Variants in BCAR3 observed in about 807,000 individuals in gnomAD.
BCAR3 encodes breast cancer anti-estrogen resistance protein 3.
Under a neutral mutation model 80.1 loss-of-function variants are expected in BCAR3, and 37 were observed. That is an observed-to-expected ratio of 0.46 (90% CI 0.36 to 0.61). The LOEUF is 0.61. BCAR3 is among the 20% of genes least tolerant of loss of function. The probability of loss-of-function intolerance (pLI) is 0.00; values close to 1 mark genes in which losing one functional copy is unlikely to be tolerated. For missense variants in BCAR3, 978 were observed against 1,068.2 expected, an observed-to-expected ratio of 0.92 and a Z score of 1.18; for synonymous variants, 389 against 418.9, an observed-to-expected ratio of 0.93 and a Z score of 0.87.
chr1:93,579,509 AGAGT>A lies in BCAR3; in HGVS notation c.1686+2788_1686+2791del, dbSNP rs563658837. ...CCAGGGGTGCCTGCAGGCAGACATG[AGAGT>A]GAGGCCCCACTAGGAGGACAAAATG... On this transcript the variant is annotated intron_variant, in intron 7 of 11. Transcript: ENST00000260502. 2.1e-3 allele frequency among the ~76,000 whole-genome samples: 322 copies of A among 152,260 alleles called. 1 individual carries two copies. Among genetic ancestry groups the A allele is most frequent in the Middle Eastern group, 3.4e-3 (1 of 294 alleles).
At chr1:93,608,825 A>G (rs1208493269) in intron 3 of BCAR3, among the ~76,000 whole-genome samples, 1 of 152,212 alleles carries the variant, frequency 6.6e-6, no homozygotes, top group Non-Finnish European at 1.5e-5. Context: ...GGCTGGAGAG[A>G]TAAGTGAGCA....
At chr1:93,763,628 GT>G (rs1652035733) in intron 2 of BCAR3, among the ~76,000 whole-genome samples, 1 of 152,130 alleles carries the variant, frequency 6.6e-6, no homozygotes, top group Admixed American at 6.5e-5. Context: ...CTTCTCAGTT[GT>G]TCTCCAGTCT....
intron 2 of BCAR3, among the ~76,000 whole-genome samples, chr1:93,782,386 C>G (rs867564037): frequency 1.3e-5 from 2 of 152,144 alleles, no homozygotes; most frequent in Non-Finnish European, 2.9e-5. Context: ...CATCCAAGTA[C>G]TTTAGAAAAC....
intron 2 of BCAR3, among the ~76,000 whole-genome samples, chr1:93,736,154 A>G (rs2100690161): frequency 6.6e-6 from 1 of 152,348 alleles, no homozygotes; most frequent in Middle Eastern, 3.4e-3. Flanking sequence ...TTGAACATTC[A>G]ATTGTATGAA....
At position 93,643,167 on chromosome 1, in the gene BCAR3, C is replaced by T. The variant is rs368248262; in HGVS notation, c.318-824G>A. Among the ~76,000 whole-genome samples, 165 of 149,790 alleles carry T rather than the reference C, an allele frequency of 1.1e-3. 7 individuals are homozygous for T. In the South Asian group the frequency reaches 0.032, roughly 29 times the overall value. ...GCTTGAACCCAGGAGGCAGAGGTTGCGGCGAGCCAAGATCACACCATTGCA... is the reference window on the plus strand; with the variant it reads ...GCTTGAACCCAGGAGGCAGAGGTTGTGGCGAGCCAAGATCACACCATTGCA... On this transcript the variant is annotated intron_variant, in intron 2 of 11. Transcript: ENST00000260502.
chr1:93,576,272 A>G (rs1570919200), intron 7 of BCAR3, 143 bp from the exon 8 acceptor site: 5 of 661,802 alleles, frequency 7.6e-6, no homozygotes, highest in Non-Finnish European at 1.1e-5. Context: ...GCTGCTGACA[A>G]TGCTGTTCTT....
chr1:93,673,681 A>C (rs1233946778), intron 2 of BCAR3, among the ~76,000 whole-genome samples: 3 of 152,260 alleles, frequency 2.0e-5, no homozygotes, highest in African/African-American at 4.8e-5. Flanking sequence ...CCAGAGAAAA[A>C]GCATTTACAA....
At chr1:93,657,607 A>G (rs902325001) in intron 2 of BCAR3, among the ~76,000 whole-genome samples, 10 of 152,170 alleles carry the variant, frequency 6.6e-5, no homozygotes, top group Non-Finnish European at 1.5e-4. Context: ...ATACAGTTTA[A>G]CATGAGAAAA....
chr1:93,614,090 G>C lies in BCAR3; in HGVS notation c.358-21697C>G, dbSNP rs1675033001. Reference sequence around the variant, plus strand: ...GGAGTGAGTCGGCTCCTTCTCCCAGGCTAGTCTGGGACTTTTCCCCTCTGC... The same window carrying C: ...GGAGTGAGTCGGCTCCTTCTCCCAGCCTAGTCTGGGACTTTTCCCCTCTGC... On this transcript the variant is annotated intron_variant, in intron 3 of 11. Transcript: ENST00000260502. The C allele has an allele frequency of 1.2e-5, 17 of 1,423,682 alleles. No homozygotes were observed. In the South Asian group the frequency reaches 2.7e-4, roughly 22 times the overall value. 88.2% of individuals were successfully genotyped at this position (1,423,682 alleles called of 1,614,324 possible). A position where few individuals can be genotyped will look rare whatever the true frequency, so the allele number is the denominator to read the frequency against.
Position 93,567,901 on chromosome 1 carries a change from T to C in BCAR3, c.1975-50A>G. The stretch of plus-strand genomic sequence containing the variant: ...AAAGGTTCTTTTTAAAATTACCTTT[T>C]AGTGGCTGGGCGTGGTAGCTCACGC... On this transcript the variant is annotated intron_variant, in intron 9 of 11. Coordinates refer to ENST00000260502, the MANE Select transcript of BCAR3 (RefSeq NM_003567.4). The C allele has an allele frequency of 3.3e-6, 5 of 1,512,706 alleles. No homozygotes were observed. The South Asian group carries it at 3.4e-5, about 10-fold the overall frequency. 93.7% of individuals were successfully genotyped at this position (1,512,706 alleles called of 1,614,324 possible).
intron 2 of BCAR3, among the ~76,000 whole-genome samples, chr1:93,824,915 C>G (rs11165011): frequency 0.12 from 15,682 of 132,320 alleles, 3,432 homozygotes; most frequent in African/African-American, 0.27. Context: ...ACGGAATATC[C>G]AAGCCATCCC....
At chr1:93,581,698 T>C (rs1298031362) in intron 7 of BCAR3, among the ~76,000 whole-genome samples, 1 of 152,262 alleles carries the variant, frequency 6.6e-6, no homozygotes, top group Non-Finnish European at 1.5e-5. Context: ...TGAGCCAACA[T>C]GCTCCGCCAT....
At chr1:93,566,251 T>C (rs1672946375) in intron 11 of BCAR3, among the ~76,000 whole-genome samples, 1 of 152,124 alleles carries the variant, frequency 6.6e-6, no homozygotes, top group African/African-American at 2.4e-5. Flanking sequence ...GGTTGTGCCA[T>C]CTGAGTGGAA....
In BCAR3 at chr1:93,810,192, C is replaced by CAAAAAAAAAAA. The variant is rs111305058; in HGVS notation, c.-63+35364_-63+35374dup. ...TGGGTGACAGAGCAAGACTCCATCT[C>CAAAAAAAAAAA]AAAAAAAAAAAAAAAAGAAATTGCT... On this transcript the variant is annotated intron_variant, in intron 2 of 13. Transcript: ENST00000370244. 2.1e-3 allele frequency among the ~76,000 whole-genome samples: 210 copies of CAAAAAAAAAAA among 98,798 alleles called. 4 individuals carry two copies. The highest frequency in any genetic ancestry group is 4.2e-3 in the African/African-American group (122 of 28,942). 64.8% of individuals were successfully genotyped at this position (98,798 alleles called of 152,430 possible).
chr1:93,606,005 T>C (rs1674762535), intron 3 of BCAR3, among the ~76,000 whole-genome samples: 1 of 152,226 alleles, frequency 6.6e-6, no homozygotes, highest in South Asian at 2.1e-4. Context: ...CTTAGAACTC[T>C]GCTCTGGGAC....
chr1:93,577,556 G>T (rs748476142), intron 7 of BCAR3, among the ~76,000 whole-genome samples: 2 of 152,108 alleles, frequency 1.3e-5, no homozygotes, highest in Non-Finnish European at 2.9e-5. Context: ...CTTTGCAAAG[G>T]ATTCAGATAA....
At chr1:93,762,339 C>T (rs1029558533) in intron 2 of BCAR3, among the ~76,000 whole-genome samples, 1 of 152,230 alleles carries the variant, frequency 6.6e-6, no homozygotes, top group African/African-American at 2.4e-5. Context: ...CTGTCCCCAG[C>T]TCTGCTCTGT....
At chr1:93,790,155 T>C (rs1653090752) in intron 2 of BCAR3, among the ~76,000 whole-genome samples, 1 of 152,286 alleles carries the variant, frequency 6.6e-6, no homozygotes, top group African/African-American at 2.4e-5. Context: ...GCAGCATTTA[T>C]AACATTTGTA....
intron 2 of BCAR3, among the ~76,000 whole-genome samples, chr1:93,769,354 A>AGTGTGT (rs1652269826): frequency 1.2e-5 from 1 of 82,558 alleles, no homozygotes; most frequent in African/African-American, 4.9e-5. Context: ...TGTGGGTAGG[A>AGTGTGT]ATGTGTGTGT....
Sources: gnomAD v4.1 joint callset for allele counts (sites outside exome capture counted in the v4.1 genomes callset) on GRCh38, gnomAD v4.1.1 for gene constraint, MANE v1.5 for transcripts, NCBI Gene and HGNC (gene_info 2026-07-23, HGNC 2026-07-21) for gene names.